The following NECAB3 variants were observed in gnomAD, a reference collection of about 807,000 sequenced individuals.
NECAB3 encodes N-terminal EF-hand calcium-binding protein 3.
NECAB3 carries 38 observed loss-of-function variants against 57.2 expected under a neutral mutation model. The ratio of observed to expected loss-of-function variants is 0.66; its 90% confidence interval spans 0.51 to 0.87. The LOEUF (loss-of-function observed/expected upper bound fraction) is 0.87, where lower values mean the gene tolerates loss of function less well. Among genes scored for constraint, NECAB3 ranks in the 40% least tolerant of loss-of-function variants. The pLI is 0.00. For synonymous variants in NECAB3, 223 were observed against 222.6 expected, an observed-to-expected ratio of 1.00 and a Z score of -0.02; for missense variants, 474 against 527.5, an observed-to-expected ratio of 0.90 and a Z score of 0.99.
intron 5 of NECAB3, chr20:33,662,510 CT>C: frequency 6.5e-7 from 1 of 1,543,930 alleles, no homozygotes; most frequent in Non-Finnish European, 8.8e-7. Context: ...GGGGAGGCAG[CT>C]GGGGGGCAGA....
Position 33,658,476 on chromosome 20 carries a change from C to A in NECAB3, c.1070+1G>T. On this transcript the variant is annotated splice_donor_variant, in intron 10 of 11. Coordinates refer to ENST00000246190, the MANE Select transcript of NECAB3 (RefSeq NM_031232.4). LOFTEE classifies it high-confidence loss of function. ...GTTAGCGGCCAGACTGGCACTCATA[C>A]CTTCTCCAGGAGGCCTCATCCTGCC... is the stretch of plus-strand genomic sequence containing the variant. 2 of 1,613,918 alleles carry A rather than the reference C, an allele frequency of 1.2e-6. No individual in the cohort carries two copies. Among genetic ancestry groups the A allele is most frequent in the Non-Finnish European group, 1.7e-6 (2 of 1,179,906 alleles).
upstream of NECAB3, chr20:33,675,195 C>G (rs1454525098): frequency 6.5e-6 from 1 of 153,636 alleles, no homozygotes; most frequent in Admixed American, 6.6e-5. Flanking sequence ...TTTTACAGCG[C>G]TCAGCTTAAG....
In NECAB3 at chr20:33,657,927, G is replaced by A. The variant is rs1312996184; in HGVS notation, c.1162+15C>T. ...GCCCCTCCAGGGCCACAGTGAGTGG[G>A]GGTCCACCGCATACCTGGGAAGAAC... On this transcript the variant is annotated intron_variant, in intron 11 of 11. Transcript: ENST00000246190. 6.4e-7 allele frequency: 1 copy of A among 1,552,806 alleles called. No homozygotes were observed. The highest frequency in any genetic ancestry group is 1.2e-5 in the South Asian group (1 of 84,134).
chr20:33,661,839 C>CG (rs1480896570), intron 5 of NECAB3, among the ~76,000 whole-genome samples: 3 of 152,128 alleles, frequency 2.0e-5, no homozygotes, highest in East Asian at 1.9e-4. Context: ...TTAGTAGAGA[C>CG]GGGGTTTCAC....
rs760108136 is a variant in NECAB3, at chr20:33,668,107, G to C, written c.387+1268C>G. ...GCGGCCCCACCTGGTGGCCAAGCAT[G>C]GGCGTGGCATGGCTGTGTGGACCGG... On this transcript the variant is annotated intron_variant, in intron 5 of 11. Coordinates refer to ENST00000246190, the MANE Select transcript of NECAB3 (RefSeq NM_031232.4). 5.6e-6 allele frequency: 9 copies of C among 1,608,036 alleles called. No individual in the cohort carries two copies. The East Asian group carries it at 2.0e-4, about 36-fold the overall frequency.
chr20:33,658,620 G>A (rs2017358284), intron 9 of NECAB3, 66 bp from the exon 10 acceptor site: 1 of 1,604,452 alleles, frequency 6.2e-7, no homozygotes, highest in African/African-American at 1.3e-5. Context: ...CCCGGCCTGG[G>A]GCCTCATGGG....
Position 33,663,515 on chromosome 20 carries a change from C to T in NECAB3, c.388-3120G>A, listed in dbSNP as rs1601159818. 6 of 1,605,274 alleles carry T rather than the reference C, an allele frequency of 3.7e-6. No individual in the cohort carries two copies. In the East Asian group the frequency reaches 9.0e-5, roughly 24 times the overall value. ...CCTAGCGCGCTCTCCCGCCTCACGC[C>T]CCTGTTCCACCCCCAGACCAGGATC... On this transcript the variant is annotated intron_variant, in intron 5 of 11. Transcript: ENST00000246190.
At chr20:33,669,503 T>C in intron 4 of NECAB3, 31 bp from the exon 5 acceptor site, 3 of 1,611,464 alleles carry the variant, frequency 1.9e-6, no homozygotes, top group Non-Finnish European at 2.5e-6. Flanking sequence ...CAAGGGTTCC[T>C]GGACCCCCAC....
At chr20:33,667,393 G>C in intron 5 of NECAB3, 1 of 1,374,868 alleles carries the variant, frequency 7.3e-7, no homozygotes, top group South Asian at 1.6e-5. Flanking sequence ...GGTGTGCCCA[G>C]AGCAGTGGCC....
At position 33,670,749 on chromosome 20, in the gene NECAB3, G is replaced by A. The variant is rs181334319; in HGVS notation, c.198C>T (p.Ala66=). ...LSFEEFQNYF[A]DGVLSLGELQ... Reference sequence around the variant, plus strand: ...GCTCCCCCAGGCTGAGAACCCCATCGGCAAAGTAATTCTGGAATTCCTCAA... The same window carrying A: ...GCTCCCCCAGGCTGAGAACCCCATCAGCAAAGTAATTCTGGAATTCCTCAA... The change falls in exon 3 of 12, where the codon GCC becomes GCT. Residue 66 remains alanine, a synonymous_variant. Transcript: ENST00000246190. 2.8e-5 allele frequency: 45 copies of A among 1,614,004 alleles called. No individual in the cohort carries two copies. The highest frequency in any genetic ancestry group is 1.2e-4 in the African/African-American group (9 of 75,014).
intron 5 of NECAB3, chr20:33,667,675 C>A (rs749509717): frequency 1.2e-6 from 2 of 1,611,796 alleles, no homozygotes; most frequent in East Asian, 2.2e-5. Context: ...GCGGGATCTG[C>A]TGGTGGCGGC....
chr20:33,663,012 G>A (rs185534366), intron 5 of NECAB3, among the ~76,000 whole-genome samples: 2 of 152,310 alleles, frequency 1.3e-5, no homozygotes, highest in African/African-American at 2.4e-5. Flanking sequence ...TGAGAGCCCC[G>A]GGGGGTGAGC....
At chr20:33,670,825 G>T in intron 2 of NECAB3, 33 bp from the exon 3 acceptor site, 1 of 1,540,090 alleles carries the variant, frequency 6.5e-7, no homozygotes, top group Non-Finnish European at 9.0e-7. Context: ...GGGAGCAGAG[G>T]AGGTATCCCT....
chr20:33,668,754 C>T (rs532019151), intron 5 of NECAB3, among the ~76,000 whole-genome samples: 9 of 152,332 alleles, frequency 5.9e-5, no homozygotes, highest in African/African-American at 2.2e-4. Flanking sequence ...GCTCACTGCT[C>T]CCTCCCCCTT....
chr20:33,664,236 A>G, intron 5 of NECAB3: 1 of 227,402 alleles, frequency 4.4e-6, no homozygotes, highest in Admixed American at 5.9e-5. Context: ...GCTTCCGGTA[A>G]AGCCTGACAT....
Position 33,657,677 on chromosome 20 carries a change from G to A in NECAB3, c.*152C>T. The A allele has an allele frequency of 1.5e-6, 1 of 684,270 alleles. No individual in the cohort carries two copies. The highest frequency in any genetic ancestry group is 2.4e-6 in the Non-Finnish European group (1 of 420,624). 42.4% of individuals were successfully genotyped at this position (684,270 alleles called of 1,614,324 possible). On this transcript the variant is annotated 3_prime_UTR_variant, in exon 12 of 12. Coordinates refer to ENST00000246190, the MANE Select transcript of NECAB3 (RefSeq NM_031232.4). ...ATCAATAATAAATAGAAAGCAAGCA[G>A]CCCAGTCCCTGATCCCTGGGCTGAG...
intron 5 of NECAB3, chr20:33,668,318 C>A (rs558946052): frequency 1.3e-6 from 2 of 1,510,338 alleles, no homozygotes; most frequent in East Asian, 4.6e-5. Flanking sequence ...CTGGCAGGGT[C>A]CTCCTGGAGG....
chr20:33,669,598 C>G, intron 4 of NECAB3, 89 bp downstream of exon 4: 3 of 1,537,750 alleles, frequency 2.0e-6, no homozygotes. Flanking sequence ...CCCAACCTGT[C>G]CCATCAGGAG....
chr20:33,667,773 G>C lies in NECAB3; in HGVS notation c.387+1602C>G, dbSNP rs1466731919. On this transcript the variant is annotated intron_variant, in intron 5 of 11. Transcript: ENST00000246190. ...GCTGCTACGTGTCCCTGGACTTCGA[G>C]GGCGACCTCCGCGACCCCGCCCGCC... 1 of 1,612,466 alleles carries C rather than the reference G, an allele frequency of 6.2e-7. No individual in the cohort carries two copies. Among genetic ancestry groups the C allele is most frequent in the Non-Finnish European group, 8.5e-7 (1 of 1,179,916 alleles).
Sources: allele counts gnomAD v4.1 joint callset (sites outside exome capture counted in the v4.1 genomes callset), GRCh38; gene constraint gnomAD v4.1.1; transcripts MANE v1.5; gene names NCBI Gene and HGNC (gene_info 2026-07-23, HGNC 2026-07-21).